Variants in NRXN1 observed in about 807,000 individuals in gnomAD.
NRXN1 encodes the protein neurexin-1.
Under a neutral mutation model 150.9 loss-of-function variants are expected in NRXN1, and 39 were observed. The ratio of observed to expected loss-of-function variants is 0.26; its 90% confidence interval spans 0.20 to 0.34. The LOEUF (loss-of-function observed/expected upper bound fraction) is 0.34. Among genes scored for constraint, NRXN1 ranks in the 10% least tolerant of loss-of-function variants. The pLI is 1.00. For synonymous variants in NRXN1, 924 were observed against 757.0 expected, an observed-to-expected ratio of 1.22 and a Z score of -3.62; for missense variants, 1,815 against 1,949.9, an observed-to-expected ratio of 0.93 and a Z score of 1.30.
intron 12 of NRXN1, among the ~76,000 whole-genome samples, chr2:50,525,907 C>T (rs370451769): frequency 6.6e-6 from 1 of 152,142 alleles, no homozygotes; most frequent in Non-Finnish European, 1.5e-5. Flanking sequence ...GGGCTGTGCC[C>T]TAACATGTCC....
At chr2:50,496,160 A>C in intron 14 of NRXN1, 65 bp from the exon 15 acceptor site, 2 of 1,276,724 alleles carry the variant, frequency 1.6e-6, no homozygotes, top group East Asian at 2.6e-5. Context: ...CCTAAAGTAG[A>C]TATTACAAAT....
intron 5 of NRXN1, among the ~76,000 whole-genome samples, chr2:50,903,623 G>A (rs541894305): frequency 2.6e-5 from 4 of 152,106 alleles, no homozygotes; most frequent in South Asian, 2.1e-4. Flanking sequence ...TTATAACACA[G>A]GATAAAATGG....
chr2:50,825,745 G>C (rs984080648), intron 5 of NRXN1, among the ~76,000 whole-genome samples: 2 of 152,238 alleles, frequency 1.3e-5, no homozygotes, highest in African/African-American at 2.4e-5. Flanking sequence ...CAGCCAGTCA[G>C]TCAAAACCTG....
chr2:50,031,911 T>C (rs1689236126), intron 21 of NRXN1, among the ~76,000 whole-genome samples: 1 of 152,040 alleles, frequency 6.6e-6, no homozygotes, highest in East Asian at 1.9e-4. Context: ...TCCTAATGAA[T>C]GTGTCTGGCC....
At chr2:50,010,059 A>T (rs1303496176) in intron 21 of NRXN1, among the ~76,000 whole-genome samples, 1 of 152,108 alleles carries the variant, frequency 6.6e-6, no homozygotes. Context: ...TACATCACAC[A>T]ATTTGTTTTC....
chr2:50,005,079 A>G (rs1684542399), intron 21 of NRXN1, among the ~76,000 whole-genome samples: 1 of 152,090 alleles, frequency 6.6e-6, no homozygotes, highest in Non-Finnish European at 1.5e-5. Context: ...TCATGAAACC[A>G]CTGTCTTTCT....
chr2:49,979,549 C>T (rs989047202), intron 21 of NRXN1, among the ~76,000 whole-genome samples: 2 of 152,062 alleles, frequency 1.3e-5, no homozygotes, highest in Admixed American at 6.5e-5. Context: ...AATGAAAATT[C>T]TCATCTCTAT....
intron 21 of NRXN1, among the ~76,000 whole-genome samples, chr2:49,999,478 G>A (rs1440560309): frequency 1.3e-5 from 2 of 151,956 alleles, no homozygotes; most frequent in African/African-American, 2.4e-5. Context: ...TGTATTTTTT[G>A]AAACTATACC....
At chr2:50,330,167 G>T (rs1276091084) in intron 17 of NRXN1, among the ~76,000 whole-genome samples, 1 of 151,850 alleles carries the variant, frequency 6.6e-6, no homozygotes. Context: ...TGCACAGTAG[G>T]CTTCTATTTT....
At chr2:50,491,061 T>G (rs548888620) in intron 15 of NRXN1, among the ~76,000 whole-genome samples, 3 of 152,178 alleles carry the variant, frequency 2.0e-5, no homozygotes, top group Non-Finnish European at 4.4e-5. Flanking sequence ...TGCTCTAACG[T>G]TAAGCTCAAC....
chr2:50,080,320 T>G (rs78125613), intron 19 of NRXN1, among the ~76,000 whole-genome samples: 2,025 of 152,280 alleles, frequency 0.013, 46 homozygotes, highest in African/African-American at 0.046. Context: ...ATGTCTAATT[T>G]ATACATTAAA....
intron 18 of NRXN1, among the ~76,000 whole-genome samples, chr2:50,157,836 T>A (rs1368215975): frequency 1.3e-5 from 2 of 151,778 alleles, no homozygotes; most frequent in South Asian, 2.1e-4. Flanking sequence ...AAAGTGAATG[T>A]GTTGCTTGGT....
intron 2 of NRXN1, among the ~76,000 whole-genome samples, chr2:50,976,174 A>G (rs935811606): frequency 4.0e-5 from 6 of 149,864 alleles, no homozygotes; most frequent in African/African-American, 1.2e-4. Context: ...TTACTTTGCA[A>G]TCAATTATTT....
intron 2 of NRXN1, among the ~76,000 whole-genome samples, chr2:50,959,144 T>C (rs890872411): frequency 2.0e-5 from 3 of 152,072 alleles, no homozygotes; most frequent in Admixed American, 2.0e-4. Flanking sequence ...ATTTTTCTTA[T>C]CATACACTGC....
intron 17 of NRXN1, among the ~76,000 whole-genome samples, chr2:50,314,781 A>G (rs1208682661): frequency 6.6e-6 from 1 of 152,102 alleles, no homozygotes; most frequent in Admixed American, 6.6e-5. Flanking sequence ...AATGCCGAAG[A>G]TCAGAGAAAA....
chr2:51,011,276 A>G (rs1247821427), intron 2 of NRXN1, among the ~76,000 whole-genome samples: 1 of 151,986 alleles, frequency 6.6e-6, no homozygotes, highest in Non-Finnish European at 1.5e-5. Context: ...AGTGAGACCC[A>G]CTAACGTTTA....
intron 18 of NRXN1, among the ~76,000 whole-genome samples, chr2:50,119,774 ACTAT>A (rs896439969): frequency 3.3e-5 from 5 of 152,100 alleles, no homozygotes; most frequent in African/African-American, 1.2e-4. Flanking sequence ...CCACACCTAA[ACTAT>A]CTGTTTTAGT....
intron 17 of NRXN1, among the ~76,000 whole-genome samples, chr2:50,443,796 CTAAACA>C (rs2086171431): frequency 1.3e-5 from 2 of 152,154 alleles, no homozygotes; most frequent in African/African-American, 4.8e-5. Flanking sequence ...TGTTCATGGA[CTAAACA>C]TGTAAAACCT....
At chr2:50,828,265 C>CG (rs1228141851) in intron 5 of NRXN1, among the ~76,000 whole-genome samples, 5 of 140,738 alleles carry the variant, frequency 3.6e-5, no homozygotes, top group Non-Finnish European at 7.7e-5. Context: ...GCTGGCCGGG[C>CG]GGGGGGCTGA....
Sources: gnomAD v4.1 joint callset for allele counts (sites outside exome capture counted in the v4.1 genomes callset) on GRCh38, gnomAD v4.1.1 for gene constraint, MANE v1.5 for transcripts, NCBI Gene and HGNC (gene_info 2026-07-23, HGNC 2026-07-21) for gene names.